The following MYLK4 variants were observed in gnomAD, a reference collection of about 807,000 sequenced individuals.
The protein encoded by MYLK4 is myosin light chain kinase family member 4, also known as caMLCK like.
A neutral mutation model predicts 48.1 loss-of-function variants in MYLK4; 46 were observed. The ratio of observed to expected loss-of-function variants is 0.96; its 90% CI spans 0.75 to 1.22. The LOEUF is 1.22. Among genes scored for constraint, MYLK4 ranks in the 50% most tolerant of loss-of-function variants. The pLI is 0.00. For synonymous variants in MYLK4, 170 were observed against 180.8 expected, an observed-to-expected ratio of 0.94 and a Z score of 0.48; for missense variants, 451 against 486.1, an observed-to-expected ratio of 0.93 and a Z score of 0.68.
In MYLK4 at chr6:2,706,862, A is replaced by G. The variant is rs907772284; in HGVS notation, c.160-14003T>C. ...GTGACAGCTGGCCTCTGCAGCAGAAACACATGATCACAGATGGAAAGCTCA... is the reference window on the plus strand; with the variant it reads ...GTGACAGCTGGCCTCTGCAGCAGAAGCACATGATCACAGATGGAAAGCTCA... On this transcript the variant is annotated intron_variant, in intron 2 of 12. Transcript: ENST00000274643. 2.6e-5 allele frequency among the ~76,000 whole-genome samples: 4 copies of G among 152,230 alleles called. 1 individual carries two copies. In the South Asian group the frequency reaches 8.3e-4, roughly 32 times the overall value.
At chr6:2,694,041 G>A (rs1450959595) in intron 2 of MYLK4, among the ~76,000 whole-genome samples, 3 of 152,146 alleles carry the variant, frequency 2.0e-5, no homozygotes, top group Non-Finnish European at 2.9e-5. Flanking sequence ...TTACAGGTGT[G>A]AGCCAACATG....
chr6:2,666,877 C>T lies in MYLK4; in HGVS notation c.*1048G>A, dbSNP rs1174309834. ...GGTGAGCTTGCAGAGTTGCCCCCAC[C>T]TCTGGTGTCCGATTGAGATTTCTTC... On this transcript the variant is annotated 3_prime_UTR_variant, in exon 13 of 13. Transcript: ENST00000274643. 6.6e-6 allele frequency: 1 copy of T among 152,272 alleles called. No individual in the cohort carries two copies. The highest frequency in any genetic ancestry group is 1.5e-5 in the Non-Finnish European group (1 of 68,070). The allele number at this position is 152,272 out of a possible 1,614,324, so 9.4% of individuals were successfully genotyped here. A position where few individuals can be genotyped will look rare whatever the true frequency, so the allele number is the denominator to read the frequency against.
chr6:2,746,171 G>T (rs952771829), intron 2 of MYLK4, among the ~76,000 whole-genome samples: 2 of 151,790 alleles, frequency 1.3e-5, no homozygotes, highest in Non-Finnish European at 2.9e-5. Context: ...GGAGGCTAAG[G>T]CAGGAGAATT....
intron 7 of MYLK4, 187 bp from the exon 8 acceptor site, chr6:2,680,478 C>T (rs1238048291): frequency 6.1e-6 from 6 of 985,376 alleles, no homozygotes; most frequent in Non-Finnish European, 7.2e-6. Flanking sequence ...GGGTATCCTG[C>T]CAACCCTGCA....
rs1440575051 is a variant in MYLK4, at chr6:2,664,052, C to T, written c.*3873G>A. ...ACTTCTAACTGAGAAACTGCAGACT[C>T]CAAGCTATGTGAGGAAGTCATCTTA... On this transcript the variant is annotated 3_prime_UTR_variant, in exon 13 of 13. Coordinates refer to ENST00000274643, the MANE Select transcript of MYLK4 (RefSeq NM_001012418.5). 3 of 152,192 alleles carry T rather than the reference C, an allele frequency of 2.0e-5. No homozygotes were observed. Among genetic ancestry groups the T allele is most frequent in the Non-Finnish European group, 4.4e-5 (3 of 68,050 alleles). 9.4% of individuals were successfully genotyped at this position (152,192 alleles called of 1,614,324 possible). A position where few individuals can be genotyped will look rare whatever the true frequency, so the allele number is the denominator to read the frequency against.
intron 3 of MYLK4, among the ~76,000 whole-genome samples, chr6:2,691,890 C>T (rs1761817693): frequency 6.6e-6 from 1 of 152,152 alleles, no homozygotes; most frequent in African/African-American, 2.4e-5. Flanking sequence ...TTCAAACTCT[C>T]TTCATTTATC....
the MYLK4 span, among the ~76,000 whole-genome samples, chr6:2,765,043 C>T: frequency 2.6e-5 from 4 of 152,142 alleles, no homozygotes; most frequent in Admixed American, 6.5e-5. Flanking sequence ...CACGGAAGGC[C>T]GGGAAAGCGG....
intron 2 of MYLK4, among the ~76,000 whole-genome samples, chr6:2,695,852 A>G (rs1192089495): frequency 6.6e-6 from 1 of 152,186 alleles, no homozygotes; most frequent in Non-Finnish European, 1.5e-5. Context: ...CACCTTGTTT[A>G]TTGTCCAAAA....
intron 2 of MYLK4, among the ~76,000 whole-genome samples, chr6:2,726,592 T>C (rs1276112581): frequency 6.8e-6 from 1 of 146,700 alleles, no homozygotes; most frequent in Non-Finnish European, 1.5e-5. Context: ...CTTAGCTGTG[T>C]GCCTACTATA....
chr6:2,710,646 G>A (rs1033547597), intron 2 of MYLK4, among the ~76,000 whole-genome samples: 3 of 151,568 alleles, frequency 2.0e-5, no homozygotes, highest in African/African-American at 7.3e-5. Flanking sequence ...ATTTGAAACA[G>A]ATCTCCCATC....
chr6:2,767,744 C>A, the MYLK4 span, among the ~76,000 whole-genome samples: 3 of 152,176 alleles, frequency 2.0e-5, no homozygotes, highest in African/African-American at 7.2e-5. Flanking sequence ...CTTAGGGAGA[C>A]GAGTGGGTGA....
At chr6:2,692,968 G>T (rs34204042) in intron 2 of MYLK4, 109 bp from the exon 3 acceptor site, 2 of 988,416 alleles carry the variant, frequency 2.0e-6, no homozygotes, top group East Asian at 2.7e-5. Context: ...GGAATGTCAC[G>T]AGCATTACAG....
In MYLK4 at chr6:2,749,254, T is replaced by C. The variant is rs770129366; in HGVS notation, c.41A>G (p.Tyr14Cys). Residue 14 changes from tyrosine to cysteine, a missense_variant, in exon 2 of 13, where the codon TAT becomes TGT. Transcript: ENST00000274643. ...CATTTTCTCCAGCTGGTTGCTGTTA[T>C]AACACGTGTTGAATTCTTCCAGCCT... ...VKRLEEFNTC[Y>C]NSNQLEKMAF... 8.6e-5 allele frequency: 138 copies of C among 1,614,032 alleles called. No individual in the cohort carries two copies. The highest frequency in any genetic ancestry group is 1.1e-4 in the Non-Finnish European group (128 of 1,180,008).
intron 7 of MYLK4, 27 bp from the exon 8 acceptor site, chr6:2,680,318 A>C (rs1561834409): frequency 6.2e-7 from 1 of 1,613,276 alleles, no homozygotes; most frequent in Non-Finnish European, 8.5e-7. Context: ...ACACATTAGC[A>C]ATGAAAACAA....
chr6:2,712,830 A>G (rs1210268483), intron 2 of MYLK4, among the ~76,000 whole-genome samples: 1 of 152,188 alleles, frequency 6.6e-6, no homozygotes, highest in Non-Finnish European at 1.5e-5. Flanking sequence ...TGAAGAAAGC[A>G]GGCCATTTAA....
intron 7 of MYLK4, 91 bp downstream of exon 7, chr6:2,682,930 A>G: frequency 7.0e-7 from 1 of 1,425,216 alleles, no homozygotes; most frequent in Non-Finnish European, 9.8e-7. Flanking sequence ...TGACTGTACC[A>G]ATTTCCCCAG....
chr6:2,766,251 C>T, the MYLK4 span: 1 of 1,520,802 alleles, frequency 6.6e-7, no homozygotes, highest in Non-Finnish European at 8.8e-7. Flanking sequence ...CGCCCGCACC[C>T]CCGGGCGCTG....
chr6:2,763,865 G>T, the MYLK4 span, among the ~76,000 whole-genome samples: 1 of 151,754 alleles, frequency 6.6e-6, no homozygotes, highest in African/African-American at 2.4e-5. Flanking sequence ...AAAAGCTCAC[G>T]GTCGGGCGCA....
At chr6:2,674,727 C>T (rs1036318822) in intron 11 of MYLK4, among the ~76,000 whole-genome samples, 1 of 152,032 alleles carries the variant, frequency 6.6e-6, no homozygotes, top group Admixed American at 6.6e-5. Flanking sequence ...CAAAATTAGC[C>T]AGGCATGGTG....
Sources: gnomAD v4.1 joint callset for allele counts (sites outside exome capture counted in the v4.1 genomes callset) on GRCh38, gnomAD v4.1.1 for gene constraint, MANE v1.5 for transcripts, NCBI Gene and HGNC (gene_info 2026-07-23, HGNC 2026-07-21) for gene names.